IFNGR1: variants seen among roughly 807,000 people sequenced by gnomAD.
IFNGR1 encodes interferon gamma receptor 1, also known as AVP, type 2.
In IFNGR1, 23 loss-of-function variants were observed where a neutral mutation model predicts 35.4. That is an observed-to-expected ratio of 0.65 (90% CI 0.47 to 0.92). The LOEUF is 0.92. Among genes scored for constraint, IFNGR1 ranks in the 40% least tolerant of loss-of-function variants. The pLI is 0.00. For synonymous variants in IFNGR1, 199 were observed against 209.5 expected (o/e 0.95, Z 0.43); for missense variants, 533 against 583.4 (o/e 0.91, Z 0.89).
At chr6:137,208,358 T>C (rs903330668) in intron 1 of IFNGR1, among the ~76,000 whole-genome samples, 43 of 152,320 alleles carry the variant, frequency 2.8e-4, no homozygotes, top group African/African-American at 9.9e-4. Context: ...AGAAGCCTAA[T>C]GTTAATCCCC....
chr6:137,199,269 C>G (rs1779178937), intron 6 of IFNGR1, among the ~76,000 whole-genome samples: 1 of 123,034 alleles, frequency 8.1e-6, no homozygotes. Context: ...TAAATAAACT[C>G]CCCTTTATAT....
At chr6:137,210,153 C>T (rs1779541045) in intron 1 of IFNGR1, among the ~76,000 whole-genome samples, 1 of 152,042 alleles carries the variant, frequency 6.6e-6, no homozygotes, top group African/African-American at 2.4e-5. Flanking sequence ...GAGTTGGAGA[C>T]CCTGTCTCCG....
At position 137,206,282 on chromosome 6, in the gene IFNGR1, G is replaced by T; in HGVS notation, c.227C>A (p.Ala76Asp). The T allele has an allele frequency of 6.2e-7, 1 of 1,607,036 alleles. No homozygotes were observed. Among genetic ancestry groups the T allele is most frequent in the Non-Finnish European group, 8.5e-7 (1 of 1,173,630 alleles). Reference protein sequence around the residue: ...YGVKNSEWIDACINISHHYCN... With the variant: ...YGVKNSEWIDDCINISHHYCN... Reference sequence around the variant, plus strand: ...ATAATGATGAGAAATATTGATGCAGGCATCAATCCATTCTGAATTCTTAAC... The same window carrying T: ...ATAATGATGAGAAATATTGATGCAGTCATCAATCCATTCTGAATTCTTAAC... Residue 76 changes from alanine to aspartate, a missense_variant, in exon 3 of 7, where the codon GCC (alanine) becomes GAC (aspartate). Coordinates refer to ENST00000367739, the MANE Select transcript of IFNGR1 (RefSeq NM_000416.3).
chr6:137,213,795 C>G (rs150282053), intron 1 of IFNGR1, among the ~76,000 whole-genome samples: 186 of 152,348 alleles, frequency 1.2e-3, no homozygotes, highest in Non-Finnish European at 1.5e-3. Context: ...CTCTGCATAG[C>G]TGGGTGACAG....
chr6:137,203,838 T>C (rs1172807294), intron 4 of IFNGR1, 153 bp from the exon 5 acceptor site: 6 of 681,080 alleles, frequency 8.8e-6, no homozygotes, highest in Admixed American at 2.6e-5. Flanking sequence ...ATAAGTCAAT[T>C]TGTTACTTCA....
At chr6:137,207,550 T>G (rs990514945) in intron 1 of IFNGR1, among the ~76,000 whole-genome samples, 5 of 152,142 alleles carry the variant, frequency 3.3e-5, no homozygotes, top group African/African-American at 9.7e-5. Context: ...GAGAGGTAAT[T>G]GAATCATGGG....
chr6:137,200,246 A>T (rs1042069354), intron 6 of IFNGR1, among the ~76,000 whole-genome samples: 3 of 152,176 alleles, frequency 2.0e-5, no homozygotes, highest in African/African-American at 7.2e-5. Flanking sequence ...CACAGATATT[A>T]TTCCTGTCAT....
chr6:137,218,494 C>G, intron 1 of IFNGR1: 4 of 1,289,296 alleles, frequency 3.1e-6, no homozygotes, highest in Non-Finnish European at 3.0e-6. Flanking sequence ...CACTTCCAGA[C>G]TGAGACCTAA....
intron 1 of IFNGR1, among the ~76,000 whole-genome samples, chr6:137,214,910 G>A (rs1779655778): frequency 6.6e-6 from 1 of 152,186 alleles, no homozygotes; most frequent in Non-Finnish European, 1.5e-5. Context: ...TTCTCATACT[G>A]ATCTGGTTAA....
chr6:137,218,221 T>G (rs1177624556), intron 1 of IFNGR1, among the ~76,000 whole-genome samples: 1 of 152,152 alleles, frequency 6.6e-6, no homozygotes, highest in African/African-American at 2.4e-5. Flanking sequence ...TCCAGAAGAT[T>G]GTTGTGAACA....
intron 2 of IFNGR1, 97 bp from the exon 3 acceptor site, chr6:137,206,405 G>A (rs1359464187): frequency 1.1e-6 from 1 of 887,362 alleles, no homozygotes; most frequent in Non-Finnish European, 1.8e-6. Context: ...ACAGCACAAA[G>A]CGGTAGAAAG....
At chr6:137,200,244 T>C (rs1304774259) in intron 6 of IFNGR1, among the ~76,000 whole-genome samples, 1 of 152,214 alleles carries the variant, frequency 6.6e-6, no homozygotes, top group Non-Finnish European at 1.5e-5. Context: ...ATCACAGATA[T>C]TATTCCTGTC....
chr6:137,207,106 C>T, intron 1 of IFNGR1, 29 bp from the exon 2 acceptor site: 1 of 1,611,940 alleles, frequency 6.2e-7, no homozygotes, highest in Non-Finnish European at 8.5e-7. Flanking sequence ...GTAAAAGGGA[C>T]AATTGTAAGA....
chr6:137,213,998 C>T (rs1161109605), intron 1 of IFNGR1, among the ~76,000 whole-genome samples: 1 of 152,192 alleles, frequency 6.6e-6, no homozygotes, highest in African/African-American at 2.4e-5. Flanking sequence ...TGCTCACCAA[C>T]CTCTTCATGG....
At chr6:137,216,521 A>G (rs1480329198) in intron 1 of IFNGR1, among the ~76,000 whole-genome samples, 1 of 152,232 alleles carries the variant, frequency 6.6e-6, no homozygotes, top group Non-Finnish European at 1.5e-5. Context: ...CTGGAGACTG[A>G]CTATATCACC....
intron 1 of IFNGR1, among the ~76,000 whole-genome samples, chr6:137,211,457 C>T (rs1779571171): frequency 6.6e-6 from 1 of 152,084 alleles, no homozygotes; most frequent in Admixed American, 6.5e-5. Context: ...GATTATCAAG[C>T]TGGGGAGGGT....
At chr6:137,201,683 A>C (rs1184388009) in intron 5 of IFNGR1, among the ~76,000 whole-genome samples, 2 of 143,990 alleles carry the variant, frequency 1.4e-5, no homozygotes, top group Non-Finnish European at 3.1e-5. Flanking sequence ...AAACAAAACA[A>C]AACAACAAAA....
At chr6:137,213,715 TTGGTGAATGTAGGGTGGA>T (rs201968684) in intron 1 of IFNGR1, among the ~76,000 whole-genome samples, 1 of 152,128 alleles carries the variant, frequency 6.6e-6, no homozygotes, top group East Asian at 1.9e-4. Context: ...GCAATAAATG[TTGGTGAATGTAGGGTGGA>T]TGGCAAACTA....
intron 5 of IFNGR1, among the ~76,000 whole-genome samples, chr6:137,202,121 C>T (rs1779291683): frequency 6.6e-6 from 1 of 152,126 alleles, no homozygotes; most frequent in Non-Finnish European, 1.5e-5. Context: ...ACGCTTATTA[C>T]AGGGTGTGAA....
Sources: allele counts gnomAD v4.1 joint callset (sites outside exome capture counted in the v4.1 genomes callset), GRCh38; gene constraint gnomAD v4.1.1; transcripts MANE v1.5; gene names NCBI Gene and HGNC (gene_info 2026-07-23, HGNC 2026-07-21).